CAST: variants seen among roughly 807,000 people sequenced by gnomAD.
The protein encoded by CAST is calpastatin.
Under a neutral mutation model 119.6 loss-of-function variants are expected in CAST, and 76 were observed. The ratio of observed to expected loss-of-function variants is 0.64; its 90% CI spans 0.53 to 0.77. CAST has a LOEUF of 0.77. Ranked by LOEUF, CAST falls within the 30% of genes least tolerant of loss-of-function variation. CAST has a pLI of 0.00. For synonymous variants in CAST, 319 were observed against 331.6 expected (o/e 0.96, Z 0.41); for missense variants, 953 against 946.5 (o/e 1.01, Z -0.09).
At chr5:96,263,072 T>C in the CAST span, among the ~76,000 whole-genome samples, 1 of 152,206 alleles carries the variant, frequency 6.6e-6, no homozygotes, top group South Asian at 2.1e-4. Context: ...TGGAATTAAG[T>C]GGCACACTTA....
the CAST span, among the ~76,000 whole-genome samples, chr5:96,054,333 G>A: frequency 6.6e-6 from 1 of 152,048 alleles, no homozygotes; most frequent in Non-Finnish European, 1.5e-5. Flanking sequence ...GCACACTGTA[G>A]CTTTGAACTC....
the CAST span, among the ~76,000 whole-genome samples, chr5:96,489,485 T>C: frequency 6.6e-6 from 1 of 152,220 alleles, no homozygotes; most frequent in African/African-American, 2.4e-5. Context: ...GTATGTATTA[T>C]ATATATGCAT....
chr5:96,084,362 T>A, the CAST span, among the ~76,000 whole-genome samples: 92,088 of 151,910 alleles, frequency 0.61, 28,082 homozygotes, highest in Non-Finnish European at 0.64. Context: ...AGGAAAAGGA[T>A]GAATATTCAA....
At chr5:96,152,876 G>A in the CAST span, among the ~76,000 whole-genome samples, 623 of 152,334 alleles carry the variant, frequency 4.1e-3, 3 homozygotes, top group African/African-American at 0.014. Context: ...ACCACTTAGT[G>A]AGGAACCGAT....
the CAST span, among the ~76,000 whole-genome samples, chr5:96,100,840 A>C: frequency 6.6e-6 from 1 of 152,028 alleles, no homozygotes; most frequent in Non-Finnish European, 1.5e-5. Context: ...TTAATCTCTA[A>C]ATTGCTATGT....
At chr5:96,269,024 T>C in the CAST span, among the ~76,000 whole-genome samples, 15 of 152,152 alleles carry the variant, frequency 9.9e-5, 1 homozygote, top group Admixed American at 9.8e-4. Context: ...AAGATGTGTC[T>C]TGCTTCCCCT....
intron 2 of CAST, among the ~76,000 whole-genome samples, chr5:96,687,711 A>T (rs1752243589): frequency 1.3e-5 from 2 of 152,194 alleles, no homozygotes; most frequent in South Asian, 2.1e-4. Context: ...TAAAATCTGA[A>T]ATCTACAATT....
chr5:96,044,429 T>C, the CAST span, among the ~76,000 whole-genome samples: 2 of 152,344 alleles, frequency 1.3e-5, no homozygotes, highest in Middle Eastern at 3.4e-3. Flanking sequence ...CTTCATCAGA[T>C]ACCAAATCTG....
At chr5:96,761,564 T>C (rs1196062854) in intron 24 of CAST, 1 of 152,324 alleles carries the variant, frequency 6.6e-6, no homozygotes, top group Non-Finnish European at 1.5e-5. Flanking sequence ...AAGCTATCCA[T>C]AGTTGGAGTC....
chr5:96,292,423 C>T, the CAST span, among the ~76,000 whole-genome samples: 1 of 152,182 alleles, frequency 6.6e-6, no homozygotes, highest in African/African-American at 2.4e-5. Flanking sequence ...TCAACGTTAT[C>T]TGTTGAATGC....
At chr5:95,991,725 C>T in the CAST span, among the ~76,000 whole-genome samples, 3 of 151,636 alleles carry the variant, frequency 2.0e-5, no homozygotes, top group African/African-American at 7.3e-5. Context: ...AGGCTGGTCT[C>T]GAACTTCTGA....
chr5:96,488,968 G>A, the CAST span, among the ~76,000 whole-genome samples: 3 of 152,146 alleles, frequency 2.0e-5, no homozygotes, highest in Admixed American at 6.5e-5. Flanking sequence ...ACCACAAAGG[G>A]CAACTTGGCT....
the CAST span, chr5:96,399,945 A>C: frequency 6.3e-7 from 1 of 1,599,884 alleles, no homozygotes; most frequent in Non-Finnish European, 8.6e-7. Flanking sequence ...ATTCCAGGAG[A>C]TACTTACCTG....
chr5:96,365,230 T>A, the CAST span, among the ~76,000 whole-genome samples: 3,452 of 152,150 alleles, frequency 0.023, 106 homozygotes, highest in African/African-American at 0.078. Context: ...TGCTGAGGAG[T>A]GCTTTACTTC....
chr5:96,659,184 A>G (rs1748208852), upstream of CAST, among the ~76,000 whole-genome samples: 1 of 152,358 alleles, frequency 6.6e-6, no homozygotes, highest in African/African-American at 2.4e-5. Context: ...TAACAGATAT[A>G]ATGAAAAAGG....
the CAST span, among the ~76,000 whole-genome samples, chr5:96,518,161 A>C: frequency 6.6e-6 from 1 of 152,228 alleles, no homozygotes; most frequent in African/African-American, 2.4e-5. Flanking sequence ...GGGAGAAAAA[A>C]ACATAGTAGT....
intron 18 of CAST, among the ~76,000 whole-genome samples, chr5:96,748,208 C>T (rs1434325975): frequency 6.6e-6 from 1 of 152,170 alleles, no homozygotes; most frequent in Non-Finnish European, 1.5e-5. Flanking sequence ...AAAAATTATA[C>T]AGATCTTCAT....
chr5:96,740,850 C>A, intron 13 of CAST, 67 bp downstream of exon 13: 2 of 951,994 alleles, frequency 2.1e-6, no homozygotes, highest in Non-Finnish European at 3.4e-6. Flanking sequence ...GGGAACAGGG[C>A]TATCAATTCT....
At chr5:96,382,591 G>C in the CAST span, among the ~76,000 whole-genome samples, 2 of 152,136 alleles carry the variant, frequency 1.3e-5, no homozygotes, top group African/African-American at 2.4e-5. Flanking sequence ...GGGATACAAC[G>C]ATGAATAAAA....
Sources: allele counts gnomAD v4.1 joint callset (sites outside exome capture counted in the v4.1 genomes callset), GRCh38; gene constraint gnomAD v4.1.1; transcripts MANE v1.5; gene names NCBI Gene and HGNC (gene_info 2026-07-23, HGNC 2026-07-21).